The following EPHB1 variants were observed in gnomAD, a reference collection of about 807,000 sequenced individuals.
EPHB1 encodes ephrin type-B receptor 1.
In EPHB1, 30 loss-of-function variants were observed where a neutral mutation model predicts 94.4. The observed-to-expected ratio is 0.32, with a 90% CI of 0.24 to 0.43. The LOEUF (loss-of-function observed/expected upper bound fraction) is 0.43, where lower values mean the gene tolerates loss of function less well. EPHB1 is among the 20% of genes least tolerant of loss of function. EPHB1 has a pLI of 1.00. For synonymous variants in EPHB1, 522 were observed against 489.1 expected (o/e 1.07, Z -0.89); for missense variants, 1,055 against 1,308.3 (o/e 0.81, Z 2.99).
At chr3:135,025,257 C>A (rs372539578) in intron 3 of EPHB1, among the ~76,000 whole-genome samples, 1 of 126,120 alleles carries the variant, frequency 7.9e-6, no homozygotes, top group Non-Finnish European at 1.7e-5. Context: ...CATGTGCACA[C>A]TGTGCAGGTT....
intron 1 of EPHB1, among the ~76,000 whole-genome samples, chr3:134,801,423 G>C (rs2035932886): frequency 6.6e-6 from 1 of 152,190 alleles, no homozygotes; most frequent in South Asian, 2.1e-4. Context: ...GGGCAGCGGA[G>C]GGGGCACACC....
intron 1 of EPHB1, among the ~76,000 whole-genome samples, chr3:134,857,144 G>T (rs548392706): frequency 6.8e-4 from 103 of 152,214 alleles, no homozygotes; most frequent in Non-Finnish European, 1.1e-3. Context: ...GGGGGGCAGG[G>T]AGGTGGAGGG....
At chr3:135,012,208 C>G (rs1328625412) in intron 3 of EPHB1, among the ~76,000 whole-genome samples, 1 of 152,194 alleles carries the variant, frequency 6.6e-6, no homozygotes, top group African/African-American at 2.4e-5. Context: ...TGCTCCAGGA[C>G]AGAGTAGTGC....
chr3:135,059,301 A>G (rs1486455299), intron 3 of EPHB1, among the ~76,000 whole-genome samples: 1 of 152,252 alleles, frequency 6.6e-6, no homozygotes, highest in Non-Finnish European at 1.5e-5. Context: ...TTTGGAATTC[A>G]GGTGTCACTG....
chr3:134,864,204 G>T (rs1199088477), intron 1 of EPHB1, among the ~76,000 whole-genome samples: 1 of 152,176 alleles, frequency 6.6e-6, no homozygotes, highest in African/African-American at 2.4e-5. Flanking sequence ...TTTGTGTGGG[G>T]TTCTATTCAC....
chr3:134,873,695 G>A (rs2037549789), intron 1 of EPHB1, among the ~76,000 whole-genome samples: 1 of 152,206 alleles, frequency 6.6e-6, no homozygotes, highest in South Asian at 2.1e-4. Context: ...TGGGCCAGAG[G>A]GCCCTGGCCA....
intron 3 of EPHB1, among the ~76,000 whole-genome samples, chr3:135,098,425 A>T (rs1938891262): frequency 3.9e-5 from 6 of 152,094 alleles, no homozygotes; most frequent in Admixed American, 3.9e-4. Context: ...ATATTTTTCC[A>T]AGTCACAATT....
chr3:134,998,632 A>C (rs1559788432), intron 3 of EPHB1, among the ~76,000 whole-genome samples: 1 of 152,202 alleles, frequency 6.6e-6, no homozygotes, highest in South Asian at 2.1e-4. Flanking sequence ...TTGCTAAAAA[A>C]TGTGTGAATG....
chr3:134,878,424 T>C (rs573970201), intron 1 of EPHB1, among the ~76,000 whole-genome samples: 114 of 152,304 alleles, frequency 7.5e-4, no homozygotes, highest in Admixed American at 1.6e-3. Context: ...GAAACCCTAC[T>C]GACTATTGAT....
At chr3:135,059,991 T>G (rs1937448574) in intron 3 of EPHB1, among the ~76,000 whole-genome samples, 1 of 152,186 alleles carries the variant, frequency 6.6e-6, no homozygotes, top group Non-Finnish European at 1.5e-5. Flanking sequence ...AAGGGATGAG[T>G]GCACAAGTGT....
At chr3:135,146,664 C>G (rs993465663) in intron 5 of EPHB1, among the ~76,000 whole-genome samples, 1 of 152,236 alleles carries the variant, frequency 6.6e-6, no homozygotes, top group Non-Finnish European at 1.5e-5. Context: ...CTGGGGAACC[C>G]AGCTCTTTGC....
intron 3 of EPHB1, among the ~76,000 whole-genome samples, chr3:135,048,259 C>CTTTTTTTTT (rs34135757): frequency 4.7e-3 from 260 of 55,208 alleles, no homozygotes; most frequent in East Asian, 0.011. Context: ...TTTCTTTTTT[C>CTTTTTTTTT]TTTTTTTTTT....
intron 1 of EPHB1, among the ~76,000 whole-genome samples, chr3:134,887,998 T>C (rs2037892586): frequency 6.6e-6 from 1 of 152,164 alleles, no homozygotes; most frequent in African/African-American, 2.4e-5. Flanking sequence ...GGCTTTGTAC[T>C]AGGGAAGGAC....
chr3:134,916,488 G>C (rs1159430859), intron 1 of EPHB1, among the ~76,000 whole-genome samples: 1 of 152,248 alleles, frequency 6.6e-6, no homozygotes, highest in Non-Finnish European at 1.5e-5. Flanking sequence ...GCGGGCTGCA[G>C]GTCCCGAGCC....
intron 3 of EPHB1, among the ~76,000 whole-genome samples, chr3:135,048,462 G>A (rs763763148): frequency 6.6e-6 from 1 of 151,790 alleles, no homozygotes; most frequent in African/African-American, 2.4e-5. Context: ...TAGACATGGG[G>A]TTTCAGCATA....
chr3:134,999,398 A>G (rs1301807651), intron 3 of EPHB1, among the ~76,000 whole-genome samples: 1 of 152,166 alleles, frequency 6.6e-6, no homozygotes, highest in Non-Finnish European at 1.5e-5. Context: ...TCTAATCTGA[A>G]GAGGATAAAA....
Position 135,003,686 on chromosome 3 carries a change from C to T in EPHB1, c.805+51634C>T, listed in dbSNP as rs28895301. 5.4e-3 allele frequency among the ~76,000 whole-genome samples: 817 copies of T among 151,992 alleles called. 7 individuals carry two copies. The highest frequency in any genetic ancestry group is 0.018 in the African/African-American group (766 of 41,412). ...TATTTAGGATAGTTAGCTCTTCTTG[C>T]TGAATTGATCCCTTTACCATTATGT... On this transcript the variant is annotated intron_variant, in intron 3 of 15. Transcript: ENST00000398015.
chr3:134,844,115 A>G (rs961335501), intron 1 of EPHB1, among the ~76,000 whole-genome samples: 4 of 152,182 alleles, frequency 2.6e-5, no homozygotes, highest in Non-Finnish European at 4.4e-5. Flanking sequence ...TGTCTTCTCT[A>G]TGGTATATGA....
chr3:134,975,553 A>T (rs1934153641), intron 3 of EPHB1, among the ~76,000 whole-genome samples: 1 of 152,082 alleles, frequency 6.6e-6, no homozygotes, highest in Non-Finnish European at 1.5e-5. Flanking sequence ...CATGCAACAC[A>T]TACTGACCCA....
Sources: allele counts gnomAD v4.1 joint callset (sites outside exome capture counted in the v4.1 genomes callset), GRCh38; gene constraint gnomAD v4.1.1; transcripts MANE v1.5; gene names NCBI Gene and HGNC (gene_info 2026-07-23, HGNC 2026-07-21).